Variants in NSD2 observed in about 807,000 individuals in gnomAD.
NSD2 encodes the protein histone-lysine N-methyltransferase NSD2.
In NSD2, 12 loss-of-function variants were observed where a neutral mutation model predicts 139.0. The observed-to-expected ratio is 0.09, with a 90% CI of 0.06 to 0.14. The LOEUF is 0.14. Ranked by LOEUF, NSD2 falls within the 10% of genes least tolerant of loss-of-function variation. NSD2 has a pLI of 1.00. For synonymous variants in NSD2, 669 were observed against 648.7 expected (o/e 1.03, Z -0.48); for missense variants, 1,155 against 1,745.0 (o/e 0.66, Z 6.02).
At chr4:1,943,869 G>T in intron 9 of NSD2, 1 of 1,063,352 alleles carries the variant, frequency 9.4e-7, no homozygotes, top group Non-Finnish European at 1.1e-6. Context: ...TGAAATTACA[G>T]CATGATGAAT....
At chr4:1,911,823 A>C (rs775641319) in intron 3 of NSD2, among the ~76,000 whole-genome samples, 1 of 152,146 alleles carries the variant, frequency 6.6e-6, no homozygotes, top group Non-Finnish European at 1.5e-5. Context: ...GAACTTCAGA[A>C]TGTTACACTC....
intron 5 of NSD2, among the ~76,000 whole-genome samples, chr4:1,921,781 C>CA (rs748895885): frequency 0.067 from 4,343 of 64,550 alleles, 91 homozygotes; most frequent in African/African-American, 0.1. Context: ...GACTCTGTCT[C>CA]AAAAAAAAAA....
chr4:1,918,511 G>A lies in NSD2; in HGVS notation c.1298G>A (p.Arg433Lys), dbSNP rs1719708601. Residue 433 changes from arginine to lysine, a missense_variant, in exon 5 of 22, where the codon AGA becomes AAA. Transcript: ENST00000508803. Reference protein sequence around the residue: ...PQKTAEADPRRGVGSPPGRKK... With the variant: ...PQKTAEADPRKGVGSPPGRKK... ...AAGACGGCAGAGGCTGACCCCAGAA[G>A]AGGAGTAGGGTCTCCTCCTGGGAGG... is the stretch of plus-strand genomic sequence containing the variant. The A allele has an allele frequency of 6.2e-7, 1 of 1,614,000 alleles. No individual in the cohort carries two copies. The highest frequency in any genetic ancestry group is 8.5e-7 in the Non-Finnish European group (1 of 1,179,960).
chr4:1,890,690 C>T (rs373414282), intron 1 of NSD2, among the ~76,000 whole-genome samples: 7 of 151,988 alleles, frequency 4.6e-5, no homozygotes, highest in African/African-American at 1.7e-4. Flanking sequence ...CAACCTCCGC[C>T]TCCTGGGTTC....
rs193149419 is a variant in NSD2 at position 1,896,285 on chromosome 4, C to G, written c.-29-4341C>G. On this transcript the variant is annotated intron_variant, in intron 1 of 21. Coordinates refer to ENST00000508803, the MANE Select transcript of NSD2 (RefSeq NM_001042424.3). ...GCTGCCAAGCCCCAGCACCTAAACC[C>G]TGGGGTCCTGCCATGGGCAGCCTGC... is the stretch of plus-strand genomic sequence containing the variant. Among the ~76,000 whole-genome samples, 694 of 152,388 alleles carry G rather than the reference C, an allele frequency of 4.6e-3. 6 individuals are homozygous for G. The highest frequency in any genetic ancestry group is 0.016 in the African/African-American group (673 of 41,598).
At position 1,979,996 on chromosome 4, in the gene NSD2, T is replaced by C. The variant is rs1254067748; in HGVS notation, c.*1087T>C. 8.6e-6 allele frequency: 2 copies of C among 232,634 alleles called. No individual in the cohort carries two copies. The highest frequency in any genetic ancestry group is 2.2e-5 in the African/African-American group (1 of 45,278). 14.4% of individuals were successfully genotyped at this position (232,634 alleles called of 1,614,324 possible). A position where few individuals can be genotyped will look rare whatever the true frequency, so the allele number is the denominator to read the frequency against. Reference sequence around the variant, plus strand: ...AGTCTAGCTCTCCTGCCACCCAGAGTGGCTTCCATCTCAGCACTCTGTGGG... The same window carrying C: ...AGTCTAGCTCTCCTGCCACCCAGAGCGGCTTCCATCTCAGCACTCTGTGGG... On this transcript the variant is annotated 3_prime_UTR_variant, in exon 22 of 22. Coordinates refer to ENST00000508803, the MANE Select transcript of NSD2 (RefSeq NM_001042424.3).
intron 1 of NSD2, among the ~76,000 whole-genome samples, chr4:1,883,866 G>A (rs541534926): frequency 6.6e-6 from 1 of 152,330 alleles, no homozygotes; most frequent in Admixed American, 6.5e-5. Context: ...CTGCACGCAG[G>A]AGCTGCGTTG....
chr4:1,918,374 C>G lies in NSD2; in HGVS notation c.1161C>G (p.Pro387=). ...SGVSEEAAEN[P]KSVREECIPM... ...TCAGTGAAGAAGCTGCTGAAAACCCCAAGTCTGTGAGAGAAGAGTGCATTC... is the reference window on the plus strand; with the variant it reads ...TCAGTGAAGAAGCTGCTGAAAACCCGAAGTCTGTGAGAGAAGAGTGCATTC... The change falls in exon 5 of 22, where the codon CCC becomes CCG. Residue 387 remains proline (P), a synonymous_variant. Coordinates refer to ENST00000508803, the MANE Select transcript of NSD2 (RefSeq NM_001042424.3). 1 of 1,614,028 alleles carries G rather than the reference C, an allele frequency of 6.2e-7. No homozygotes were observed. The highest frequency in any genetic ancestry group is 8.5e-7 in the Non-Finnish European group (1 of 1,180,022).
chr4:1,957,880 G>C, intron 15 of NSD2, 53 bp from the exon 16 acceptor site: 1 of 1,495,318 alleles, frequency 6.7e-7, no homozygotes, highest in East Asian at 2.3e-5. Flanking sequence ...GAGCTTGAAA[G>C]GTAGTTACCT....
At chr4:1,967,055 G>C (rs776831475) in intron 18 of NSD2, among the ~76,000 whole-genome samples, 1 of 151,996 alleles carries the variant, frequency 6.6e-6, no homozygotes, top group East Asian at 1.9e-4. Flanking sequence ...AAAGAGAAAA[G>C]ACTCACATAA....
intron 4 of NSD2, 26 bp from the exon 5 acceptor site, chr4:1,918,115 T>TA (rs1719642456): frequency 3.1e-6 from 5 of 1,597,660 alleles, no homozygotes; most frequent in Non-Finnish European, 4.3e-6. Flanking sequence ...TAGTGAAACT[T>TA]ACAGTGTCTC....
intron 1 of NSD2, among the ~76,000 whole-genome samples, chr4:1,888,484 C>A (rs1476898479): frequency 6.9e-6 from 1 of 145,550 alleles, no homozygotes; most frequent in Non-Finnish European, 1.5e-5. Context: ...CAGCTGATAG[C>A]TTGGTTGGGT....
chr4:1,900,607 C>A lies in NSD2; in HGVS notation c.-29-19C>A. 6.9e-7 allele frequency: 1 copy of A among 1,456,160 alleles called. No homozygotes were observed. The highest frequency in any genetic ancestry group is 9.2e-7 in the Non-Finnish European group (1 of 1,091,572). The allele number at this position is 1,456,160 out of a possible 1,614,324, so 90.2% of individuals were successfully genotyped here. ...TGTAATTGCTTTTTCTTTCTTTTTT[C>A]TTTTTTTTAATACCATAGTGTTCTA... On this transcript the variant is annotated intron_variant, in intron 1 of 21. Coordinates refer to ENST00000508803, the MANE Select transcript of NSD2 (RefSeq NM_001042424.3).
At chr4:1,938,416 C>CTTTTTTTTTTTTTTTTTTTTTTTCTT in intron 7 of NSD2, 35 bp from the exon 8 acceptor site, 1 of 320,276 alleles carries the variant, frequency 3.1e-6, no homozygotes, top group South Asian at 5.7e-5. Flanking sequence ...TTTTTTCTTT[C>CTTTTTTTTTTTTTTTTTTTTTTTCTT]TTTTTTTTTT....
At chr4:1,934,312 C>T (rs1469344082) in intron 6 of NSD2, among the ~76,000 whole-genome samples, 6 of 151,046 alleles carry the variant, frequency 4.0e-5, no homozygotes, top group Non-Finnish European at 7.4e-5. Flanking sequence ...CTCAAACTCC[C>T]GACCTCAGGT....
At chr4:1,977,496 C>T (rs1727215800) in intron 21 of NSD2, among the ~76,000 whole-genome samples, 2 of 152,186 alleles carry the variant, frequency 1.3e-5, no homozygotes, top group Non-Finnish European at 2.9e-5. Flanking sequence ...CCAAAAGAGG[C>T]CAGGTGCGGG....
At chr4:1,947,593 A>C in intron 9 of NSD2, 1 of 1,054,074 alleles carries the variant, frequency 9.5e-7, no homozygotes, top group Non-Finnish European at 1.1e-6. Flanking sequence ...TTAACATTTT[A>C]CTGTGCTGTT....
Position 1,961,514 on chromosome 4 carries a change from T to C in NSD2, c.3372+363T>C, listed in dbSNP as rs28673589. ...TATTTTATTTTTTAATTTTCAGTGC[T>C]CTTTGGGTAAGGTCTCAGCATCTTC... On this transcript the variant is annotated intron_variant, in intron 18 of 21. Coordinates refer to ENST00000508803, the MANE Select transcript of NSD2 (RefSeq NM_001042424.3). Among the ~76,000 whole-genome samples the C allele has an allele frequency of 4.5e-3, 685 of 152,378 alleles. 6 individuals carry two copies. Among genetic ancestry groups the C allele is most frequent in the African/African-American group, 0.016 (649 of 41,598 alleles).
At position 1,979,151 on chromosome 4, in the gene NSD2, C is replaced by T. The variant is rs1021371317; in HGVS notation, c.*242C>T. 1 of 425,664 alleles carries T rather than the reference C, an allele frequency of 2.3e-6. No homozygotes were observed. Among genetic ancestry groups the T allele is most frequent in the Non-Finnish European group, 4.1e-6 (1 of 245,372 alleles). The allele number at this position is 425,664 out of a possible 1,614,324, so 26.4% of individuals were successfully genotyped here. A position where few individuals can be genotyped will look rare whatever the true frequency, so the allele number is the denominator to read the frequency against. On this transcript the variant is annotated 3_prime_UTR_variant, in exon 22 of 22. Transcript: ENST00000508803. ...TTCCTGGACAAACAGCCTCACTCCTCAGCGTTACCGCCACACTTGAATTTC... is the reference window on the plus strand; with the variant it reads ...TTCCTGGACAAACAGCCTCACTCCTTAGCGTTACCGCCACACTTGAATTTC...
Sources: allele counts gnomAD v4.1 joint callset (sites outside exome capture counted in the v4.1 genomes callset), GRCh38; gene constraint gnomAD v4.1.1; transcripts MANE v1.5; gene names NCBI Gene and HGNC (gene_info 2026-07-23, HGNC 2026-07-21).